Variants in EPHA6 observed in about 807,000 individuals in gnomAD.
EPHA6 encodes the protein ephrin type-A receptor 6.
Under a neutral mutation model 112.0 loss-of-function variants are expected in EPHA6, and 50 were observed. The observed-to-expected ratio is 0.45, with a 90% CI of 0.36 to 0.56. The LOEUF (loss-of-function observed/expected upper bound fraction) is 0.56. Ranked by LOEUF, EPHA6 falls within the 20% of genes least tolerant of loss-of-function variation. The pLI is 0.00. For synonymous variants in EPHA6, 529 were observed against 490.7 expected (o/e 1.08, Z -1.03); for missense variants, 1,280 against 1,417.4 (o/e 0.90, Z 1.56).
intron 15 of EPHA6, among the ~76,000 whole-genome samples, chr3:97,721,512 G>A (rs1014889007): frequency 2.0e-5 from 3 of 152,202 alleles, no homozygotes; most frequent in African/African-American, 7.2e-5. Context: ...TGTGGAAAAT[G>A]CTAGGTCCAG....
chr3:97,757,385 T>G lies in EPHA6; in HGVS notation c.*8684T>G, dbSNP rs945495274. On this transcript the variant is annotated 3_prime_UTR_variant, in exon 18 of 18. Coordinates refer to ENST00000389672, the MANE Select transcript of EPHA6 (RefSeq NM_001080448.3). ...ATCAAAAATAGGAAAAAGTTCATTT[T>G]AAAAATGTTTTGTAATGGAACAAGT... Among the ~76,000 whole-genome samples, 4 of 151,744 alleles carry G rather than the reference T, an allele frequency of 2.6e-5. No individual in the cohort carries two copies. Among genetic ancestry groups the G allele is most frequent in the African/African-American group, 9.7e-5 (4 of 41,412 alleles).
intron 3 of EPHA6, among the ~76,000 whole-genome samples, chr3:97,207,623 G>A (rs908669441): frequency 2.9e-4 from 44 of 152,024 alleles, no homozygotes; most frequent in African/African-American, 1.1e-3. Flanking sequence ...ATAAAACAAG[G>A]CCTGCTAAGA....
At chr3:97,000,757 G>C (rs1284127768) in intron 3 of EPHA6, among the ~76,000 whole-genome samples, 1 of 151,164 alleles carries the variant, frequency 6.6e-6, no homozygotes, top group East Asian at 1.9e-4. Context: ...CGGTAATCAG[G>C]ATTTTTCTTT....
chr3:97,694,738 G>T (rs999469313), intron 14 of EPHA6, among the ~76,000 whole-genome samples: 4 of 152,230 alleles, frequency 2.6e-5, no homozygotes, highest in African/African-American at 9.6e-5. Context: ...ATTGTATAGT[G>T]TCAGAGTTGT....
Position 97,613,111 on chromosome 3 carries a change from C to T in EPHA6, c.2574+2257C>T, listed in dbSNP as rs146166262. Among the ~76,000 whole-genome samples the T allele has an allele frequency of 1.2e-3, 181 of 152,064 alleles. 2 individuals are homozygous for T. The East Asian group carries it at 0.032, about 27-fold the overall frequency. On this transcript the variant is annotated intron_variant, in intron 13 of 17. Coordinates refer to ENST00000389672, the MANE Select transcript of EPHA6 (RefSeq NM_001080448.3). ...GGAAAAATAGGGTCAATACTTCCAT[C>T]TTACTCTTCTTTAATGTTCTTACCC...
At chr3:97,593,890 T>C (rs2093565533) in intron 12 of EPHA6, among the ~76,000 whole-genome samples, 1 of 152,160 alleles carries the variant, frequency 6.6e-6, no homozygotes, top group Non-Finnish European at 1.5e-5. Context: ...AGTTAAAAGA[T>C]TGTAAATTTT....
In EPHA6 at chr3:97,222,010, AG is replaced by A. The variant is rs1685733853; in HGVS notation, c.1115-4253del. The stretch of plus-strand genomic sequence containing the variant: ...ACCACTGCACTCCAGCCTGGACAAC[AG>A]AGCCAGACCCCTTCTCAAAAAAAAA... On this transcript the variant is annotated intron_variant, in intron 3 of 17. Transcript: ENST00000389672. Among the ~76,000 whole-genome samples the A allele has an allele frequency of 2.6e-5, 4 of 151,522 alleles. No individual in the cohort carries two copies. The South Asian group carries it at 6.2e-4, about 24-fold the overall frequency.
chr3:96,903,743 A>G (rs1575983420), intron 2 of EPHA6, among the ~76,000 whole-genome samples: 1 of 152,172 alleles, frequency 6.6e-6, no homozygotes, highest in South Asian at 2.1e-4. Flanking sequence ...TCTACAATGA[A>G]CTCAAACAAA....
intron 3 of EPHA6, among the ~76,000 whole-genome samples, chr3:97,110,854 T>A (rs1196599075): frequency 6.6e-6 from 1 of 152,024 alleles, no homozygotes; most frequent in African/African-American, 2.4e-5. Context: ...AAGGAAAAAC[T>A]TGGAATTCAG....
chr3:97,719,055 C>T (rs2034384000), intron 14 of EPHA6, among the ~76,000 whole-genome samples: 1 of 147,808 alleles, frequency 6.8e-6, no homozygotes, highest in East Asian at 2.0e-4. Context: ...CTAAATTGTT[C>T]CCATTTTGGA....
chr3:96,915,454 T>A (rs1339951109), intron 2 of EPHA6, among the ~76,000 whole-genome samples: 2 of 152,070 alleles, frequency 1.3e-5, no homozygotes, highest in African/African-American at 4.8e-5. Context: ...TGGGAGGTGA[T>A]GAGCAGAATA....
At chr3:97,100,968 A>C (rs2047386392) in intron 3 of EPHA6, among the ~76,000 whole-genome samples, 3 of 152,026 alleles carry the variant, frequency 2.0e-5, no homozygotes, top group African/African-American at 7.2e-5. Context: ...AATAAAGATT[A>C]TCAATAAAGT....
At chr3:97,151,889 AATT>A (rs1312075061) in intron 3 of EPHA6, among the ~76,000 whole-genome samples, 1 of 152,024 alleles carries the variant, frequency 6.6e-6, no homozygotes, top group Admixed American at 6.6e-5. Context: ...GTATCGTAGT[AATT>A]ATATAGTACT....
At chr3:97,579,148 G>A (rs945527255) in intron 11 of EPHA6, among the ~76,000 whole-genome samples, 1 of 152,128 alleles carries the variant, frequency 6.6e-6, no homozygotes, top group Non-Finnish European at 1.5e-5. Context: ...CTCAAGGTTT[G>A]TGATTATAAT....
In EPHA6 at chr3:96,993,526, C is replaced by G. The variant is rs78357263; in HGVS notation, c.1114+5533C>G. On this transcript the variant is annotated intron_variant, in intron 3 of 17. Transcript: ENST00000389672. ...GGGATTACAGGCATGAGCCACTGCT[C>G]CTGGCCCCCACTATTCTTTCTCACT... Among the ~76,000 whole-genome samples the G allele has an allele frequency of 3.5e-3, 527 of 152,218 alleles. 9 individuals carry two copies. In the East Asian group the frequency reaches 0.044, roughly 13 times the overall value.
chr3:97,363,211 T>G (rs1250303691), intron 5 of EPHA6, among the ~76,000 whole-genome samples: 10 of 76,686 alleles, frequency 1.3e-4, no homozygotes, highest in Non-Finnish European at 2.4e-4. Flanking sequence ...TATATATATA[T>G]ATATATATAT....
rs374353791 is a variant in EPHA6 at position 97,646,742 on chromosome 3, C to T, written c.2784+8660C>T. Reference sequence around the variant, plus strand: ...CACCATGCACTGGGTACCTATTTGCCAAAATCCAGTGAAAGAAAACATATT... The same window carrying T: ...CACCATGCACTGGGTACCTATTTGCTAAAATCCAGTGAAAGAAAACATATT... On this transcript the variant is annotated intron_variant, in intron 14 of 17. Transcript: ENST00000389672. Among the ~76,000 whole-genome samples the T allele has an allele frequency of 9.2e-5, 14 of 152,210 alleles. No homozygotes were observed. The South Asian group carries it at 2.7e-3, about 29-fold the overall frequency.
At chr3:97,182,663 T>A (rs2077021861) in intron 3 of EPHA6, among the ~76,000 whole-genome samples, 1 of 152,134 alleles carries the variant, frequency 6.6e-6, no homozygotes, top group South Asian at 2.1e-4. Context: ...CTGATGAGTT[T>A]GTGCAGACTA....
intron 2 of EPHA6, among the ~76,000 whole-genome samples, chr3:96,879,847 T>C (rs2037202937): frequency 6.6e-6 from 1 of 152,110 alleles, no homozygotes; most frequent in Middle Eastern, 3.2e-3. Context: ...ATTTGTGTAC[T>C]CGATTTTGTA....
Sources: gnomAD v4.1 joint callset for allele counts (sites outside exome capture counted in the v4.1 genomes callset) on GRCh38, gnomAD v4.1.1 for gene constraint, MANE v1.5 for transcripts, NCBI Gene and HGNC (gene_info 2026-07-23, HGNC 2026-07-21) for gene names.